Variants in BBS2 observed in about 807,000 individuals in gnomAD.
BBS2 encodes the protein BBSome complex member BBS2.
BBS2 carries 62 observed loss-of-function variants against 83.0 expected under a neutral mutation model. The observed-to-expected ratio is 0.75, with a 90% confidence interval of 0.61 to 0.92. The LOEUF (loss-of-function observed/expected upper bound fraction) is 0.92. BBS2 is among the 40% of genes least tolerant of loss of function. BBS2 has a pLI of 0.00. For synonymous variants in BBS2, 303 were observed against 326.1 expected, an observed-to-expected ratio of 0.93 and a Z score of 0.76; for missense variants, 784 against 901.0, an observed-to-expected ratio of 0.87 and a Z score of 1.66.
intron 12 of BBS2, chr16:56,499,560 A>G (rs1362967405): frequency 3.8e-6 from 2 of 526,536 alleles, no homozygotes; most frequent in Non-Finnish European, 6.8e-6. Context: ...GAATTCACCA[A>G]TAACTGAGGA....
intron 15 of BBS2, among the ~76,000 whole-genome samples, chr16:56,489,133 G>A (rs1422448966): frequency 6.6e-6 from 1 of 151,912 alleles, no homozygotes; most frequent in African/African-American, 2.4e-5. Flanking sequence ...AACCTCAGGA[G>A]TTTGAGACTA....
At chr16:56,496,079 A>G (rs1425915635) in intron 15 of BBS2, among the ~76,000 whole-genome samples, 4 of 152,104 alleles carry the variant, frequency 2.6e-5, no homozygotes, top group African/African-American at 9.7e-5. Flanking sequence ...CATTATAATT[A>G]TTTGCCAATA....
At position 56,519,788 on chromosome 16, in the gene BBS2, G is replaced by A. The variant is rs1964868134; in HGVS notation, c.75C>T (p.Asp25=). The A allele has an allele frequency of 6.2e-7, 1 of 1,613,706 alleles. No individual in the cohort carries two copies. The highest frequency in any genetic ancestry group is 1.7e-5 in the Admixed American group (1 of 60,004). ...SPRMVAIGRY[D]GTHPCLAAAT... ...CGGCCGCCAGGCACGGGTGAGTCCCGTCGTAGCGCCCTATGGCCACCATTC... is the reference window on the plus strand; with the variant it reads ...CGGCCGCCAGGCACGGGTGAGTCCCATCGTAGCGCCCTATGGCCACCATTC... The change falls in exon 1 of 17, where the codon GAC becomes GAT. Residue 25 remains aspartate (D), a synonymous_variant. Transcript: ENST00000245157.
At chr16:56,493,024 TA>T (rs1351588293) in intron 15 of BBS2, among the ~76,000 whole-genome samples, 5 of 152,026 alleles carry the variant, frequency 3.3e-5, no homozygotes, top group Non-Finnish European at 7.4e-5. Context: ...TATGTAGCCG[TA>T]AAGACAAATG....
Position 56,511,221 on chromosome 16 carries a change from T to C in BBS2, c.409A>G (p.Ile137Val). The C allele has an allele frequency of 6.2e-7, 1 of 1,614,076 alleles. No homozygotes were observed. Among genetic ancestry groups the C allele is most frequent in the Non-Finnish European group, 8.5e-7 (1 of 1,179,962 alleles). Residue 137 changes from isoleucine to valine, a missense_variant, in exon 3 of 17, where the codon ATT (isoleucine) becomes GTT (valine). By Grantham distance (29) the Ile-to-Val change is conservative. Coordinates refer to ENST00000245157, the MANE Select transcript of BBS2 (RefSeq NM_031885.5). ...TLGDISSPLA[I>V]IGGNCALQGF... is the part of the protein sequence containing the mutation. Reference sequence around the variant, plus strand: ...TGCAGAGCACAATTGCCACCAATAATCGCAAGAGGGGAAGAAATGTCTCCC... The same window carrying C: ...TGCAGAGCACAATTGCCACCAATAACCGCAAGAGGGGAAGAAATGTCTCCC...
At chr16:56,498,954 G>A (rs761653243) in intron 12 of BBS2, 19 of 335,206 alleles carry the variant, frequency 5.7e-5, no homozygotes, top group African/African-American at 1.1e-4. Context: ...ACAATGTAGC[G>A]TGCTTAAAAC....
At chr16:56,518,074 C>G (rs1350331780) in intron 1 of BBS2, among the ~76,000 whole-genome samples, 1 of 152,180 alleles carries the variant, frequency 6.6e-6, no homozygotes, top group Admixed American at 6.5e-5. Flanking sequence ...GCCTCAGCCT[C>G]TCAAAGTGCT....
intron 1 of BBS2, among the ~76,000 whole-genome samples, chr16:56,518,690 T>C (rs542170177): frequency 6.6e-6 from 1 of 152,366 alleles, no homozygotes; most frequent in South Asian, 2.1e-4. Context: ...ATTAGCGTTG[T>C]CACTACATTC....
In BBS2 at chr16:56,497,273, C is replaced by T. The variant is rs2303282; in HGVS notation, c.1798-194G>A. The stretch of plus-strand genomic sequence containing the variant: ...ATCTGTGCTGCCTCCAATTTCAACA[C>T]GACACTCCATGTGAATCTTCCCCAT... On this transcript the variant is annotated intron_variant, in intron 14 of 16. Transcript: ENST00000245157. The T allele has an allele frequency of 1.7e-3, 1,063 of 625,808 alleles. 2 individuals carry two copies. Among genetic ancestry groups the T allele is most frequent in the Non-Finnish European group, 2.2e-3 (763 of 347,076 alleles). 38.8% of individuals were successfully genotyped at this position (625,808 alleles called of 1,614,324 possible).
intron 15 of BBS2, among the ~76,000 whole-genome samples, chr16:56,490,674 T>C (rs749367400): frequency 4.6e-5 from 7 of 152,066 alleles, no homozygotes; most frequent in Non-Finnish European, 1.0e-4. Context: ...AGAAAATGAC[T>C]TACATTTTCT....
intron 11 of BBS2, 197 bp downstream of exon 11, chr16:56,500,657 C>A (rs1384488334): frequency 2.6e-4 from 120 of 462,900 alleles, no homozygotes; most frequent in Non-Finnish European, 3.3e-4. Flanking sequence ...CCATCTTAAA[C>A]TTACATATCA....
intron 9 of BBS2, 98 bp from the exon 10 acceptor site, chr16:56,501,595 TC>T: frequency 1.4e-6 from 2 of 1,443,142 alleles, no homozygotes; most frequent in Non-Finnish European, 1.9e-6. Context: ...AGACAGAGCC[TC>T]CAGCATATTA....
At chr16:56,518,306 T>G (rs1417953470) in intron 1 of BBS2, among the ~76,000 whole-genome samples, 1 of 152,198 alleles carries the variant, frequency 6.6e-6, no homozygotes, top group Non-Finnish European at 1.5e-5. Context: ...AATCCTAGCT[T>G]ATTAAATCCA....
intron 15 of BBS2, among the ~76,000 whole-genome samples, chr16:56,496,602 T>A (rs1027818368): frequency 2.6e-5 from 4 of 152,248 alleles, no homozygotes; most frequent in Non-Finnish European, 4.4e-5. Context: ...GTGCTCTCAC[T>A]GCTGTGTAGT....
chr16:56,519,462 T>A (rs551945441), intron 1 of BBS2: 102 of 426,162 alleles, frequency 2.4e-4, no homozygotes, highest in African/African-American at 2.0e-3. Context: ...ACCAAACCCC[T>A]TCCCTCAGGA....
chr16:56,475,015 C>T lies in BBS2; in HGVS notation c.*1-4320G>A, dbSNP rs549914965. The T allele has an allele frequency of 3.3e-4, 506 of 1,541,772 alleles. 4 individuals carry two copies. In the South Asian group the frequency reaches 5.6e-3, roughly 17 times the overall value. Reference sequence around the variant, plus strand: ...GGAGGGGCAGTCTCTTCTGAGGGACCCTTTCCAGCTGAACCAATTCATAAG... The same window carrying T: ...GGAGGGGCAGTCTCTTCTGAGGGACTCTTTCCAGCTGAACCAATTCATAAG... On this transcript the variant is annotated intron_variant, in intron 17 of 17. Coordinates refer to the BBS2 transcript ENST00000682047.
rs199898889 is a variant in BBS2, at chr16:56,506,029, T to C, written c.725A>G (p.Asn242Ser). 566 of 1,613,770 alleles carry C rather than the reference T, an allele frequency of 3.5e-4. No individual in the cohort carries two copies. Among genetic ancestry groups the C allele is most frequent in the Non-Finnish European group, 4.2e-4 (500 of 1,179,790 alleles). The change falls in exon 7 of 17, where the codon AAT becomes AGT. Residue 242 changes from asparagine (N) to serine (S), a missense_variant. By Grantham distance (46) the Asn-to-Ser change is conservative. Transcript: ENST00000245157. ...AAAAGCATGAATGCTCATGGCATGATTTTTCGACTGAAAAAGAATTTTAAT... is the reference window on the plus strand; with the variant it reads ...AAAAGCATGAATGCTCATGGCATGACTTTTCGACTGAAAAAGAATTTTAAT... ...TSRYWRIKSK[N>S]HAMSIHAFDL...
intron 12 of BBS2, 159 bp from the exon 13 acceptor site, chr16:56,498,727 C>A (rs1224299370): frequency 1.3e-6 from 2 of 1,513,410 alleles, no homozygotes; most frequent in African/African-American, 2.8e-5. Flanking sequence ...AAGAATTATA[C>A]TTCATCCCAC....
chr16:56,504,501 A>G (rs1171812852), intron 7 of BBS2, among the ~76,000 whole-genome samples: 1 of 152,170 alleles, frequency 6.6e-6, no homozygotes, highest in Non-Finnish European at 1.5e-5. Flanking sequence ...GTCTAGCAGC[A>G]TTTATTTAAT....
Sources: gnomAD v4.1 joint callset for allele counts (sites outside exome capture counted in the v4.1 genomes callset) on GRCh38, gnomAD v4.1.1 for gene constraint, MANE v1.5 for transcripts, NCBI Gene and HGNC (gene_info 2026-07-23, HGNC 2026-07-21) for gene names.